CDH26: variants seen among roughly 807,000 people sequenced by gnomAD.
CDH26 encodes cadherin 26, also known as cadherin-like protein 26.
CDH26 carries 83 observed loss-of-function variants against 90.3 expected under a neutral mutation model. The observed-to-expected ratio is 0.92, with a 90% CI of 0.77 to 1.10. The LOEUF (loss-of-function observed/expected upper bound fraction) is 1.10. Ranked by LOEUF, CDH26 falls within the 50% of genes least tolerant of loss-of-function variation. The pLI is 0.00. For missense variants in CDH26, 1,013 were observed against 1,037.6 expected, an observed-to-expected ratio of 0.98 and a Z score of 0.33; for synonymous variants, 397 against 396.3, an observed-to-expected ratio of 1.00 and a Z score of -0.02.
At chr20:60,014,836 A>G (rs943788543), downstream of CDH26, among the ~76,000 whole-genome samples, 1 of 152,154 alleles carries the variant, frequency 6.6e-6, no homozygotes, top group African/African-American at 2.4e-5. Context: ...TTTTTGAATT[A>G]TATTGTAGTT....
chr20:59,994,707 CA>C (rs977607360), intron 11 of CDH26, among the ~76,000 whole-genome samples: 5 of 152,186 alleles, frequency 3.3e-5, no homozygotes, highest in Admixed American at 1.3e-4. Context: ...CTCTCCTCAT[CA>C]GGGGGTAGGA....
At chr20:60,004,899 A>G (rs2061726526) in intron 16 of CDH26, among the ~76,000 whole-genome samples, 1 of 152,010 alleles carries the variant, frequency 6.6e-6, no homozygotes. Context: ...GCCGTGCATA[A>G]CTGTATGTAT....
downstream of CDH26, among the ~76,000 whole-genome samples, chr20:60,017,040 A>G (rs2061910911): frequency 1.3e-5 from 2 of 152,024 alleles, no homozygotes; most frequent in South Asian, 2.1e-4. Flanking sequence ...GGGTTTTAAC[A>G]TCTATGTTCA....
At position 60,012,836 on chromosome 20, in the gene CDH26, C is replaced by T. The variant is rs2061865927; in HGVS notation, c.*106C>T. On this transcript the variant is annotated 3_prime_UTR_variant, in exon 18 of 18. Coordinates refer to ENST00000348616, the MANE Select transcript of CDH26 (RefSeq NM_177980.4). ...TTTCCCTCCTTAAAAGAAAAATTAC[C>T]TTCTAGTCCTAGGATGAGGACACAC... The T allele has an allele frequency of 3.0e-6, 3 of 993,520 alleles. No homozygotes were observed. Among genetic ancestry groups the T allele is most frequent in the African/African-American group, 1.6e-5 (1 of 61,586 alleles). The allele number at this position is 993,520 out of a possible 1,614,324, so 61.5% of individuals were successfully genotyped here. A position where few individuals can be genotyped will look rare whatever the true frequency, so the allele number is the denominator to read the frequency against.
At chr20:60,032,684 T>G (rs954894028) in intron 8 of CDH26, among the ~76,000 whole-genome samples, 22 of 152,060 alleles carry the variant, frequency 1.4e-4, no homozygotes, top group Non-Finnish European at 8.8e-5. Flanking sequence ...AAGGGTGAGT[T>G]CATGTCCTTT....
chr20:59,970,211 G>GACCC (rs747214170), intron 3 of CDH26, 25 bp downstream of exon 3: 2 of 1,609,864 alleles, frequency 1.2e-6, no homozygotes, highest in South Asian at 2.2e-5. Context: ...CTTAAGGAAT[G>GACCC]ACCCCATCAT....
intron 1 of CDH26, among the ~76,000 whole-genome samples, chr20:59,964,774 G>T (rs2061125106): frequency 6.6e-6 from 1 of 152,100 alleles, no homozygotes; most frequent in Non-Finnish European, 1.5e-5. Context: ...TGTCAACTGT[G>T]CCGTTTATGT....
intron 13 of CDH26, among the ~76,000 whole-genome samples, chr20:59,998,514 G>A (rs1337705588): frequency 6.6e-6 from 1 of 152,194 alleles, no homozygotes; most frequent in African/African-American, 2.4e-5. Flanking sequence ...ACTGGTCAAA[G>A]ACCAGCTATG....
At chr20:60,035,462 T>A (rs1206258961), downstream of CDH26, among the ~76,000 whole-genome samples, 2 of 152,230 alleles carry the variant, frequency 1.3e-5, no homozygotes, top group Non-Finnish European at 2.9e-5. Context: ...GTAATTTTAG[T>A]CTTAACCTCC....
chr20:60,011,488 C>A (rs776331170), intron 17 of CDH26, among the ~76,000 whole-genome samples: 4 of 152,060 alleles, frequency 2.6e-5, no homozygotes, highest in Non-Finnish European at 5.9e-5. Context: ...GTTCTGATAC[C>A]ATCGAAATCA....
chr20:59,967,884 C>CTCTCTCTCT (rs1569024350), intron 1 of CDH26, among the ~76,000 whole-genome samples: 2 of 103,056 alleles, frequency 1.9e-5, no homozygotes, highest in African/African-American at 1.1e-4. Flanking sequence ...TTTCTTCCTT[C>CTCTCTCTCT]CTTCCTTCCT....
At chr20:60,029,567 A>G (rs1445271394) in intron 7 of CDH26, among the ~76,000 whole-genome samples, 2 of 152,172 alleles carry the variant, frequency 1.3e-5, no homozygotes, top group East Asian at 1.9e-4. Context: ...TGCTGTACCT[A>G]TCAACCCGTC....
chr20:59,968,072 T>C (rs891269303), intron 1 of CDH26, among the ~76,000 whole-genome samples: 18 of 143,170 alleles, frequency 1.3e-4, no homozygotes, highest in Non-Finnish European at 2.4e-4. Context: ...TCTCTCTCTC[T>C]CCCTCTCTTT....
At chr20:59,990,979 C>G (rs1258202039) in intron 9 of CDH26, among the ~76,000 whole-genome samples, 4 of 151,984 alleles carry the variant, frequency 2.6e-5, no homozygotes, top group Non-Finnish European at 5.9e-5. Flanking sequence ...TTGTGATTCT[C>G]CTGCCTCAGC....
intron 8 of CDH26, among the ~76,000 whole-genome samples, chr20:59,988,083 T>C (rs1317778343): frequency 6.6e-6 from 1 of 152,196 alleles, no homozygotes; most frequent in Non-Finnish European, 1.5e-5. Context: ...TCCAAGAGTA[T>C]GGAGAGCCCC....
At chr20:59,995,745 G>A in intron 11 of CDH26, 88 bp from the exon 12 acceptor site, 1 of 1,201,442 alleles carries the variant, frequency 8.3e-7, no homozygotes, top group Non-Finnish European at 1.2e-6. Flanking sequence ...TACAGAGCTT[G>A]GCCCGTGCAG....
At chr20:60,035,339 G>A (rs941719240), downstream of CDH26, among the ~76,000 whole-genome samples, 7 of 152,144 alleles carry the variant, frequency 4.6e-5, no homozygotes, top group South Asian at 2.1e-4. Context: ...GGGAACATAC[G>A]TTTACAATGT....
In CDH26 at chr20:59,992,656, G is replaced by C; in HGVS notation, c.1426+136G>C. On this transcript the variant is annotated intron_variant, in intron 10 of 17. Coordinates refer to ENST00000348616, the MANE Select transcript of CDH26 (RefSeq NM_177980.4). This position sits in a 1 kb window ranked among gnomAD's most constrained non-coding sequence, Gnocchi z 5.0. Reference sequence around the variant, plus strand: ...TTGTTATCACTCTGCATCCATGCTGGTGATTATTTTTGGTAATAATTCTTA... The same window carrying C: ...TTGTTATCACTCTGCATCCATGCTGCTGATTATTTTTGGTAATAATTCTTA... 1 of 858,102 alleles carries C rather than the reference G, an allele frequency of 1.2e-6. No homozygotes were observed. The highest frequency in any genetic ancestry group is 1.7e-5 in the South Asian group (1 of 58,072). 53.2% of individuals were successfully genotyped at this position (858,102 alleles called of 1,614,324 possible).
At chr20:59,963,751 G>A (rs967257189) in intron 1 of CDH26, among the ~76,000 whole-genome samples, 5 of 151,800 alleles carry the variant, frequency 3.3e-5, no homozygotes, top group Non-Finnish European at 7.4e-5. Context: ...TATTGGGTAC[G>A]GATTAAAAGA....
Sources: gnomAD v4.1 joint callset for allele counts (sites outside exome capture counted in the v4.1 genomes callset) on GRCh38, gnomAD v4.1.1 for gene constraint, Gnocchi (gnomAD v3.1) non-coding constraint, MANE v1.5 for transcripts, NCBI Gene and HGNC (gene_info 2026-07-23, HGNC 2026-07-21) for gene names.